Variants in PIK3C2G observed in about 807,000 individuals in gnomAD.
PIK3C2G encodes the protein phosphatidylinositol 3-kinase C2 domain-containing subunit gamma.
A neutral mutation model predicts 181.1 loss-of-function variants in PIK3C2G; 168 were observed. The observed-to-expected ratio is 0.93, with a 90% confidence interval of 0.82 to 1.05. The LOEUF (loss-of-function observed/expected upper bound fraction) is 1.05, where lower values mean the gene tolerates loss of function less well. PIK3C2G is among the 50% of genes least tolerant of loss of function. The pLI is 0.00. For missense variants in PIK3C2G, 1,869 were observed against 1,732.8 expected, an observed-to-expected ratio of 1.08 and a Z score of -1.40; for synonymous variants, 573 against 592.2, an observed-to-expected ratio of 0.97 and a Z score of 0.47.
At chr12:18,254,106 T>C (rs960733735) in intron 1 of PIK3C2G, among the ~76,000 whole-genome samples, 1 of 152,072 alleles carries the variant, frequency 6.6e-6, no homozygotes, top group Non-Finnish European at 1.5e-5. Flanking sequence ...TAGAAGAATA[T>C]ATGTTTTTCT....
rs1940464900 is a variant in PIK3C2G at position 18,490,532 on chromosome 12, G to A, written c.2686-919G>A. Among the ~76,000 whole-genome samples, 6 of 151,724 alleles carry A rather than the reference G, an allele frequency of 4.0e-5. No individual in the cohort carries two copies. The South Asian group carries it at 6.3e-4, about 16-fold the overall frequency. Reference sequence around the variant, plus strand: ...TCCCCCTGCCCCCTGCTGCACTGACGACCCTTCTCAGCCTCTAGTAACCAT... The same window carrying A: ...TCCCCCTGCCCCCTGCTGCACTGACAACCCTTCTCAGCCTCTAGTAACCAT... On this transcript the variant is annotated intron_variant, in intron 19 of 32. Coordinates refer to ENST00000538779, the MANE Select transcript of PIK3C2G (RefSeq NM_001288772.2).
chr12:18,656,754 GACAACA>G, the PIK3C2G span, among the ~76,000 whole-genome samples: 3 of 151,682 alleles, frequency 2.0e-5, no homozygotes, highest in South Asian at 6.2e-4. Flanking sequence ...CAACAACAAC[GACAACA>G]ACAACAAAAA....
chr12:18,638,384 A>C (rs984192349), intron 31 of PIK3C2G, among the ~76,000 whole-genome samples: 23 of 152,198 alleles, frequency 1.5e-4, no homozygotes, highest in African/African-American at 4.6e-4. Flanking sequence ...AAGAAGGCTC[A>C]TCAGAATTTA....
intron 18 of PIK3C2G, among the ~76,000 whole-genome samples, chr12:18,475,694 A>G (rs897416908): frequency 1.3e-5 from 2 of 152,128 alleles, no homozygotes; most frequent in African/African-American, 2.4e-5. Flanking sequence ...TCAAATATAA[A>G]TTAAGTTTAA....
In PIK3C2G at chr12:18,424,028, T is replaced by C; in HGVS notation, c.2493T>C (p.His831=). ...CCTTGCAGAGCATCCAGGTTGCCCA[T>C]CGTCTTTACTGGTAAGATTAACTAA... is the stretch of plus-strand genomic sequence containing the variant. ...HRSLQSIQVA[H]RLYWLLKNAE... Residue 831 remains histidine (H), a synonymous_variant, in exon 18 of 33, where the codon CAT becomes CAC. Coordinates refer to ENST00000538779, the MANE Select transcript of PIK3C2G (RefSeq NM_001288772.2). The C allele has an allele frequency of 6.2e-7, 1 of 1,605,574 alleles. No homozygotes were observed. The highest frequency in any genetic ancestry group is 2.2e-5 in the East Asian group (1 of 44,758).
chr12:18,715,282 T>C, the PIK3C2G span, among the ~76,000 whole-genome samples: 3 of 147,962 alleles, frequency 2.0e-5, no homozygotes, highest in East Asian at 6.2e-4. Context: ...GATGAGGAAG[T>C]AAGGCTTTAG....
rs550714294 is a variant in PIK3C2G at position 18,301,623 on chromosome 12, A to AT, written c.1034+7614dup. Among the ~76,000 whole-genome samples, 11 of 147,170 alleles carry AT rather than the reference A, an allele frequency of 7.5e-5. No homozygotes were observed. The South Asian group carries it at 1.1e-3, about 14-fold the overall frequency. On this transcript the variant is annotated intron_variant, in intron 5 of 32. Coordinates refer to ENST00000538779, the MANE Select transcript of PIK3C2G (RefSeq NM_001288772.2). Reference sequence around the variant, plus strand: ...ATTTAGATCCTGAATTGTTTTTATGATTTTTTGTGCTGTTTGCTTGTGTTC... The same window carrying AT: ...ATTTAGATCCTGAATTGTTTTTATGATTTTTTTGTGCTGTTTGCTTGTGTTC...
chr12:18,315,931 T>C (rs568753377), intron 6 of PIK3C2G, among the ~76,000 whole-genome samples: 1 of 151,566 alleles, frequency 6.6e-6, no homozygotes, highest in East Asian at 1.9e-4. Context: ...GTAATTTTTT[T>C]CCACAGCAAT....
chr12:18,488,419 CA>C, intron 18 of PIK3C2G, 29 bp from the exon 19 acceptor site: 1 of 1,440,268 alleles, frequency 6.9e-7, no homozygotes, highest in Non-Finnish European at 9.2e-7. Context: ...GCTTTACATA[CA>C]AGAATTTTTT....
upstream of PIK3C2G, among the ~76,000 whole-genome samples, chr12:18,259,414 A>G (rs185965702): frequency 3.3e-3 from 505 of 152,220 alleles, 8 homozygotes; most frequent in Non-Finnish European, 7.9e-4. Context: ...CTACTGGCAG[A>G]GCGAGTGTTG....
At chr12:18,336,693 G>A (rs1304742281) in intron 8 of PIK3C2G, among the ~76,000 whole-genome samples, 2 of 151,276 alleles carry the variant, frequency 1.3e-5, no homozygotes, top group Non-Finnish European at 2.9e-5. Context: ...TTGAGCGGAT[G>A]TATTTTTTAA....
At chr12:18,437,711 T>C (rs1041793162) in intron 18 of PIK3C2G, among the ~76,000 whole-genome samples, 3 of 151,960 alleles carry the variant, frequency 2.0e-5, no homozygotes, top group African/African-American at 7.2e-5. Flanking sequence ...CTAAAATTTA[T>C]GATTATTTTT....
At chr12:18,432,062 G>T (rs564035155) in intron 18 of PIK3C2G, among the ~76,000 whole-genome samples, 2 of 152,168 alleles carry the variant, frequency 1.3e-5, no homozygotes, top group South Asian at 4.1e-4. Context: ...TGTCTGTTTT[G>T]TTTCTATTTT....
intron 5 of PIK3C2G, among the ~76,000 whole-genome samples, chr12:18,309,362 A>T (rs956643605): frequency 1.3e-5 from 2 of 151,820 alleles, no homozygotes; most frequent in Admixed American, 6.6e-5. Flanking sequence ...AGAAAAGTCT[A>T]TAAGTATTGG....
At chr12:18,551,358 C>T (rs553178049) in intron 26 of PIK3C2G, among the ~76,000 whole-genome samples, 103 of 152,194 alleles carry the variant, frequency 6.8e-4, no homozygotes, top group African/African-American at 2.3e-3. Flanking sequence ...TCTCAAACCT[C>T]GGGTTAGCTG....
intron 18 of PIK3C2G, among the ~76,000 whole-genome samples, chr12:18,426,233 T>C (rs1019205058): frequency 1.3e-5 from 2 of 152,182 alleles, no homozygotes; most frequent in African/African-American, 4.8e-5. Context: ...TTCTGTTTTG[T>C]TTCTCCTTTA....
At chr12:18,659,420 C>G in the PIK3C2G span, among the ~76,000 whole-genome samples, 1 of 152,152 alleles carries the variant, frequency 6.6e-6, no homozygotes, top group African/African-American at 2.4e-5. Context: ...ACCTGATACT[C>G]TATCATCCCT....
chr12:18,592,863 G>T (rs941594387), intron 29 of PIK3C2G, among the ~76,000 whole-genome samples: 3 of 151,886 alleles, frequency 2.0e-5, no homozygotes, highest in African/African-American at 7.2e-5. Flanking sequence ...CAGGACACAG[G>T]TAAAGGGTTC....
chr12:18,632,389 G>C (rs2136734495), intron 31 of PIK3C2G, among the ~76,000 whole-genome samples: 1 of 152,152 alleles, frequency 6.6e-6, no homozygotes, highest in East Asian at 1.9e-4. Flanking sequence ...TAGCAGATGA[G>C]GAAACATCCA....
Sources: gnomAD v4.1 joint callset for allele counts (sites outside exome capture counted in the v4.1 genomes callset) on GRCh38, gnomAD v4.1.1 for gene constraint, MANE v1.5 for transcripts, NCBI Gene and HGNC (gene_info 2026-07-23, HGNC 2026-07-21) for gene names.